CDH13: variants seen among roughly 807,000 people sequenced by gnomAD.
CDH13 encodes the protein cadherin-13.
CDH13 carries 24 observed loss-of-function variants against 63.8 expected under a neutral mutation model. The observed-to-expected ratio is 0.38, with a 90% CI of 0.27 to 0.53. The LOEUF (loss-of-function observed/expected upper bound fraction) is 0.53. Among genes scored for constraint, CDH13 ranks in the 20% least tolerant of loss-of-function variants. CDH13 has a pLI of 0.85. For missense variants in CDH13, 1,049 were observed against 903.1 expected, an observed-to-expected ratio of 1.16 and a Z score of -2.07; for synonymous variants, 503 against 355.3, an observed-to-expected ratio of 1.42 and a Z score of -4.67.
At chr16:83,175,811 T>C (rs1451062604) in intron 4 of CDH13, among the ~76,000 whole-genome samples, 3 of 150,080 alleles carry the variant, frequency 2.0e-5, no homozygotes, top group Admixed American at 2.0e-4. Context: ...CATACTGTTT[T>C]TTCAACCTGC....
intron 3 of CDH13, among the ~76,000 whole-genome samples, chr16:83,048,934 A>G (rs1018179454): frequency 6.6e-6 from 1 of 152,082 alleles, no homozygotes; most frequent in Non-Finnish European, 1.5e-5. Context: ...TTGCAAGTTC[A>G]TACCTTAATA....
intron 1 of CDH13, among the ~76,000 whole-genome samples, chr16:82,755,726 C>T (rs1037010039): frequency 6.6e-6 from 1 of 152,182 alleles, no homozygotes; most frequent in African/African-American, 2.4e-5. Flanking sequence ...CTGAACCAAA[C>T]CAAAACAAGA....
rs766475325 is a variant in CDH13, at chr16:83,032,101, T to C, written c.249T>C (p.Ala83=). 6.2e-7 allele frequency: 1 copy of C among 1,613,312 alleles called. No homozygotes were observed. ...TGAACAGCGATGGCGGCTTAGTTGC[T>C]CTGAGAAACATAACTGCAGTGGGCA... ...FKVNSDGGLV[A]LRNITAVGKT... Residue 83 remains alanine (A), a synonymous_variant, in exon 3 of 14, where the codon GCT becomes GCC. Transcript: ENST00000567109.
intron 3 of CDH13, among the ~76,000 whole-genome samples, chr16:83,037,821 T>C (rs974851447): frequency 6.6e-6 from 1 of 152,170 alleles, no homozygotes; most frequent in Non-Finnish European, 1.5e-5. Flanking sequence ...GACTCAATTA[T>C]CTGAATCCCA....
chr16:82,954,976 C>T (rs57660032), intron 2 of CDH13, among the ~76,000 whole-genome samples: 5,706 of 152,250 alleles, frequency 0.037, 156 homozygotes, highest in African/African-American at 0.082. Flanking sequence ...TCAGTCTTTG[C>T]ATTGCCAAAT....
Position 83,171,540 on chromosome 16 carries a change from C to G in CDH13, c.484-45805C>G, listed in dbSNP as rs138487335. ...TTTTCAGATGAAGATTTGGCAAGTT[C>G]TGTGCCTAGCACGATGGCTGACATG... On this transcript the variant is annotated intron_variant, in intron 4 of 13. Transcript: ENST00000567109. The G allele has an allele frequency of 9.1e-5, 139 of 1,534,506 alleles. 1 individual carries two copies. The East Asian group carries it at 3.2e-3, about 36-fold the overall frequency.
At chr16:83,320,213 C>CT (rs113647238) in intron 5 of CDH13, among the ~76,000 whole-genome samples, 1,842 of 145,856 alleles carry the variant, frequency 0.013, 14 homozygotes, top group Non-Finnish European at 0.015. Context: ...ATAATTGTTC[C>CT]TTTTTTTTTT....
intron 8 of CDH13, among the ~76,000 whole-genome samples, chr16:83,646,692 C>CAAAAAAAA (rs199756336): frequency 2.8e-5 from 2 of 72,684 alleles, no homozygotes; most frequent in South Asian, 8.9e-4. Context: ...GACTCCGTCT[C>CAAAAAAAA]AAAAAAAAAA....
At chr16:83,457,788 C>G (rs1055387597) in intron 6 of CDH13, among the ~76,000 whole-genome samples, 2 of 152,156 alleles carry the variant, frequency 1.3e-5, no homozygotes, top group African/African-American at 4.8e-5. Context: ...TCCAAGATCC[C>G]TGAGGCAAAA....
chr16:83,043,574 C>G (rs946962196), intron 3 of CDH13, among the ~76,000 whole-genome samples: 1 of 150,854 alleles, frequency 6.6e-6, no homozygotes, highest in African/African-American at 2.4e-5. Context: ...AACAAGTAAT[C>G]AAGGCCAGGC....
intron 7 of CDH13, among the ~76,000 whole-genome samples, chr16:83,511,017 C>G (rs1192269642): frequency 6.6e-6 from 1 of 152,274 alleles, no homozygotes; most frequent in Non-Finnish European, 1.5e-5. Context: ...TCTTCCCACA[C>G]ACATACACGG....
chr16:83,219,641 T>C (rs1173348501), intron 5 of CDH13, among the ~76,000 whole-genome samples: 2 of 152,236 alleles, frequency 1.3e-5, no homozygotes, highest in Non-Finnish European at 2.9e-5. Flanking sequence ...TTCCAAGTTA[T>C]AGCCCAATCT....
At chr16:83,437,817 C>T (rs1023074628) in intron 6 of CDH13, among the ~76,000 whole-genome samples, 2 of 152,068 alleles carry the variant, frequency 1.3e-5, no homozygotes, top group African/African-American at 4.8e-5. Context: ...ATAGTTTGGC[C>T]AAAGGGTAGA....
At position 82,644,410 on chromosome 16, in the gene CDH13, A is replaced by C. The variant is rs541483147; in HGVS notation, c.45+17273A>C. On this transcript the variant is annotated intron_variant, in intron 1 of 13. Coordinates refer to ENST00000567109, the MANE Select transcript of CDH13 (RefSeq NM_001257.5). This position sits in a 1 kb window ranked among gnomAD's most constrained non-coding sequence, Gnocchi z 5.7. ...TGATTCTCAGGTCCCTTAACCATGG[A>C]ACGTACTCCTGTCTGCCCTCACTCG... 5.3e-5 allele frequency among the ~76,000 whole-genome samples: 8 copies of C among 152,146 alleles called. No homozygotes were observed. The highest frequency in any genetic ancestry group is 1.9e-4 in the African/African-American group (8 of 41,498).
intron 6 of CDH13, among the ~76,000 whole-genome samples, chr16:83,444,343 C>T (rs2072600305): frequency 6.6e-6 from 1 of 152,106 alleles, no homozygotes; most frequent in Non-Finnish European, 1.5e-5. Context: ...TCTTCAGCAC[C>T]ATCACATGAA....
intron 1 of CDH13, among the ~76,000 whole-genome samples, chr16:82,662,483 C>G (rs899245239): frequency 6.6e-6 from 1 of 152,146 alleles, no homozygotes; most frequent in African/African-American, 2.4e-5. Flanking sequence ...CTCTTTGCCT[C>G]TTTAGAGACT....
At chr16:82,650,195 C>T (rs1019996855) in intron 1 of CDH13, among the ~76,000 whole-genome samples, 3 of 152,130 alleles carry the variant, frequency 2.0e-5, no homozygotes, top group Non-Finnish European at 4.4e-5. Flanking sequence ...TGGAAACTAA[C>T]CTTCAGCAAT....
chr16:83,460,306 T>C (rs2073141766), intron 6 of CDH13, among the ~76,000 whole-genome samples: 1 of 152,236 alleles, frequency 6.6e-6, no homozygotes, highest in African/African-American at 2.4e-5. Context: ...AGAGTAAATT[T>C]GTACAACAAC....
chr16:83,034,228 T>G (rs891992224), intron 3 of CDH13, among the ~76,000 whole-genome samples: 2 of 152,166 alleles, frequency 1.3e-5, no homozygotes, highest in Non-Finnish European at 2.9e-5. Context: ...TCCTTCTCAC[T>G]GCAATGCTTC....
Sources: gnomAD v4.1 joint callset for allele counts (sites outside exome capture counted in the v4.1 genomes callset) on GRCh38, gnomAD v4.1.1 for gene constraint, Gnocchi (gnomAD v3.1) non-coding constraint, MANE v1.5 for transcripts, NCBI Gene and HGNC (gene_info 2026-07-23, HGNC 2026-07-21) for gene names.